Variants in EPHA6 observed in about 807,000 individuals in gnomAD.
The protein encoded by EPHA6 is EPH receptor A6.
Under a neutral mutation model 112.0 loss-of-function variants are expected in EPHA6, and 50 were observed. That is an observed-to-expected ratio of 0.45 (90% CI 0.36 to 0.56). EPHA6 has a LOEUF of 0.56. Among genes scored for constraint, EPHA6 ranks in the 20% least tolerant of loss-of-function variants. The pLI is 0.00. For missense variants in EPHA6, 1,280 were observed against 1,417.4 expected (o/e 0.90, Z 1.56); for synonymous variants, 529 against 490.7 (o/e 1.08, Z -1.03).
intron 3 of EPHA6, among the ~76,000 whole-genome samples, chr3:96,994,029 G>C (rs181746329): frequency 1.3e-5 from 2 of 152,232 alleles, no homozygotes; most frequent in Admixed American, 6.5e-5. Context: ...TATCCAAAAA[G>C]TCGTACTACT....
At chr3:96,912,902 A>G (rs762203813) in intron 2 of EPHA6, among the ~76,000 whole-genome samples, 8 of 152,040 alleles carry the variant, frequency 5.3e-5, no homozygotes, top group Non-Finnish European at 7.4e-5. Context: ...TTCTGTAGAC[A>G]TATTCTCAAG....
intron 10 of EPHA6, among the ~76,000 whole-genome samples, chr3:97,502,781 C>T (rs529791297): frequency 9.3e-5 from 12 of 129,358 alleles, no homozygotes; most frequent in Non-Finnish European, 1.4e-4. Flanking sequence ...TTGCAGTGAG[C>T]CGAGATTGTG....
rs1406116742 is a variant in EPHA6, at chr3:97,714,616, T to C, written c.2785-5645T>C. Among the ~76,000 whole-genome samples, 2 of 152,226 alleles carry C rather than the reference T, an allele frequency of 1.3e-5. 1 individual carries two copies. The highest frequency in any genetic ancestry group is 4.8e-5 in the African/African-American group (2 of 41,450). On this transcript the variant is annotated intron_variant, in intron 14 of 17. Coordinates refer to ENST00000389672, the MANE Select transcript of EPHA6 (RefSeq NM_001080448.3). The stretch of plus-strand genomic sequence containing the variant: ...AAACTAGGAAGTGATGCACGAGAGA[T>C]GGATTTCTTTCTCAAGATCAGTGAT...
At chr3:96,998,969 G>T (rs187432632) in intron 3 of EPHA6, among the ~76,000 whole-genome samples, 119 of 151,812 alleles carry the variant, frequency 7.8e-4, no homozygotes, top group African/African-American at 2.7e-3. Flanking sequence ...AGTTTTAGTT[G>T]TTAACTTTTT....
chr3:97,059,359 C>A (rs1257691677), intron 3 of EPHA6, among the ~76,000 whole-genome samples: 1 of 152,178 alleles, frequency 6.6e-6, no homozygotes, highest in Non-Finnish European at 1.5e-5. Flanking sequence ...AATCTCAGAC[C>A]CCTTAGGGCA....
At chr3:97,579,335 A>G (rs1432255946) in intron 11 of EPHA6, among the ~76,000 whole-genome samples, 1 of 152,214 alleles carries the variant, frequency 6.6e-6, no homozygotes, top group Non-Finnish European at 1.5e-5. Context: ...TGGAAGGTAT[A>G]TATACTCAGT....
intron 5 of EPHA6, among the ~76,000 whole-genome samples, chr3:97,352,502 T>A (rs772018705): frequency 3.9e-5 from 6 of 152,130 alleles, no homozygotes; most frequent in Non-Finnish European, 8.8e-5. Context: ...GAGAATGCAG[T>A]GACTGTGGGC....
intron 2 of EPHA6, among the ~76,000 whole-genome samples, chr3:96,872,183 A>T (rs563727432): frequency 6.6e-6 from 1 of 152,066 alleles, no homozygotes; most frequent in African/African-American, 2.4e-5. Flanking sequence ...TAAGTACCCA[A>T]ACTTTCTCTT....
chr3:97,642,855 G>C (rs1337892466), intron 14 of EPHA6, among the ~76,000 whole-genome samples: 1 of 139,234 alleles, frequency 7.2e-6, no homozygotes, highest in Non-Finnish European at 1.5e-5. Context: ...AACCAAGTTG[G>C]AAAACACTCT....
chr3:97,207,808 T>C (rs572585843), intron 3 of EPHA6, among the ~76,000 whole-genome samples: 2 of 152,294 alleles, frequency 1.3e-5, no homozygotes, highest in South Asian at 4.1e-4. Context: ...TATAGGTTCA[T>C]GAAATGCTAG....
chr3:97,684,018 G>C (rs1019390928), intron 14 of EPHA6, among the ~76,000 whole-genome samples: 3 of 152,098 alleles, frequency 2.0e-5, no homozygotes, highest in African/African-American at 7.2e-5. Flanking sequence ...GGTGCTGCTT[G>C]AAAAGAAGAA....
chr3:97,063,108 T>C (rs2108128826), intron 3 of EPHA6, among the ~76,000 whole-genome samples: 1 of 152,150 alleles, frequency 6.6e-6, no homozygotes, highest in East Asian at 1.9e-4. Context: ...GGTGGGAGTA[T>C]AAATTAGCTC....
intron 3 of EPHA6, among the ~76,000 whole-genome samples, chr3:97,213,432 G>A (rs898891264): frequency 2.6e-5 from 4 of 152,152 alleles, no homozygotes; most frequent in African/African-American, 9.7e-5. Context: ...GTGATTGCTT[G>A]AGGACTGGGC....
chr3:96,913,161 TACACACACACACACACACACACAC>T (rs768422240), intron 2 of EPHA6, among the ~76,000 whole-genome samples: 4 of 123,164 alleles, frequency 3.2e-5, no homozygotes, highest in East Asian at 2.5e-4. Flanking sequence ...AGACCCCGTC[TACACACACACACACACACACACAC>T]ACACACACAC....
chr3:97,287,220 TAG>T (rs2080498902), intron 5 of EPHA6, among the ~76,000 whole-genome samples: 1 of 152,116 alleles, frequency 6.6e-6, no homozygotes, highest in Non-Finnish European at 1.5e-5. Context: ...TTTTCCAATT[TAG>T]ATGACTTTAA....
intron 3 of EPHA6, among the ~76,000 whole-genome samples, chr3:97,107,701 A>G (rs767406518): frequency 6.6e-6 from 1 of 152,038 alleles, no homozygotes; most frequent in Admixed American, 6.6e-5. Context: ...AGTCTATTTC[A>G]TGTCCATGTC....
intron 10 of EPHA6, among the ~76,000 whole-genome samples, chr3:97,484,921 T>C (rs2091660190): frequency 6.6e-6 from 1 of 152,232 alleles, no homozygotes; most frequent in Non-Finnish European, 1.5e-5. Context: ...AAACACAGTA[T>C]TCACATCTCA....
At chr3:97,371,191 A>G (rs1235108404) in intron 5 of EPHA6, among the ~76,000 whole-genome samples, 1 of 152,104 alleles carries the variant, frequency 6.6e-6, no homozygotes, top group Non-Finnish European at 1.5e-5. Context: ...AAATTACAAT[A>G]GATGCAAGCT....
intron 14 of EPHA6, among the ~76,000 whole-genome samples, chr3:97,675,184 C>G (rs1200528694): frequency 1.3e-5 from 2 of 152,114 alleles, no homozygotes; most frequent in Non-Finnish European, 2.9e-5. Context: ...TAAAGAGTAT[C>G]AGAAACCAAA....
Sources: gnomAD v4.1 joint callset for allele counts (sites outside exome capture counted in the v4.1 genomes callset) on GRCh38, gnomAD v4.1.1 for gene constraint, MANE v1.5 for transcripts, NCBI Gene and HGNC (gene_info 2026-07-23, HGNC 2026-07-21) for gene names.